BSN: variants seen among roughly 807,000 people sequenced by gnomAD.
The protein encoded by BSN is protein bassoon.
Under a neutral mutation model 264.8 loss-of-function variants are expected in BSN, and 57 were observed. The observed-to-expected ratio is 0.22, with a 90% CI of 0.17 to 0.27. BSN has a LOEUF of 0.27. Among genes scored for constraint, BSN ranks in the 10% least tolerant of loss-of-function variants. BSN has a pLI of 1.00. For synonymous variants in BSN, 2,059 were observed against 2,137.3 expected (o/e 0.96, Z 1.01); for missense variants, 4,615 against 5,232.5 (o/e 0.88, Z 3.64).
chr3:49,571,989 A>G (rs1404343787), intron 1 of BSN, among the ~76,000 whole-genome samples: 1 of 152,180 alleles, frequency 6.6e-6, no homozygotes, highest in African/African-American at 2.4e-5. Flanking sequence ...CATTCATTCA[A>G]CAAGCATTTA....
At position 49,656,538 on chromosome 3, in the gene BSN, C is replaced by A; in HGVS notation, c.6982C>A (p.Pro2328Thr). The A allele has an allele frequency of 6.4e-7, 1 of 1,569,100 alleles. No individual in the cohort carries two copies. Among genetic ancestry groups the A allele is most frequent in the East Asian group, 2.3e-5 (1 of 44,244 alleles). Residue 2328 changes from proline to threonine, a missense_variant, in exon 5 of 12, where the codon CCT becomes ACT. Physicochemically the swap from Pro to Thr is conservative, Grantham distance 38. Around this residue, in one of 3 missense-constraint regions of BSN, gnomAD observed 3,415 missense variants for 3,866.4 expected, o/e 0.88. Transcript: ENST00000296452. ...CAAGGAGGCTGCAGGAGCCCCAGCTCCTGCCCCACTAGCTGGCCAGAAGCC... is the reference window on the plus strand; with the variant it reads ...CAAGGAGGCTGCAGGAGCCCCAGCTACTGCCCCACTAGCTGGCCAGAAGCC... ...AIKEAAGAPAPAPLAGQKPPA... is the reference protein window; with the variant it reads ...AIKEAAGAPATAPLAGQKPPA...
chr3:49,650,486 T>C, intron 3 of BSN, 126 bp from the exon 4 acceptor site: 1 of 893,000 alleles, frequency 1.1e-6, no homozygotes, highest in Non-Finnish European at 1.7e-6. Context: ...TTTCTCCTTA[T>C]GTCTTTGGTG....
intron 1 of BSN, among the ~76,000 whole-genome samples, chr3:49,618,052 T>G (rs1233353888): frequency 6.6e-6 from 1 of 152,152 alleles, no homozygotes; most frequent in Non-Finnish European, 1.5e-5. Flanking sequence ...CTTCTCTGGT[T>G]CTGACATCTC....
rs1286340885 is a variant in BSN at position 49,669,367 on chromosome 3, G to A, written c.*1882G>A. On this transcript the variant is annotated 3_prime_UTR_variant, in exon 12 of 12. Transcript: ENST00000296452. ...GTAGGAGCCTGCACAGGATGTGTGT[G>A]TATGGACATTCTGAAGGTTTGCTGT... 6.5e-6 allele frequency: 1 copy of A among 152,730 alleles called. No homozygotes were observed. Among genetic ancestry groups the A allele is most frequent in the Non-Finnish European group, 1.5e-5 (1 of 68,092 alleles). 9.5% of individuals were successfully genotyped at this position (152,730 alleles called of 1,614,324 possible).
chr3:49,603,978 T>G (rs1202399238), intron 1 of BSN, among the ~76,000 whole-genome samples: 2 of 152,224 alleles, frequency 1.3e-5, no homozygotes, highest in Non-Finnish European at 2.9e-5. Flanking sequence ...TGGCCTAATG[T>G]TTTTAAGGTT....
At position 49,662,217 on chromosome 3, in the gene BSN, G is replaced by A. The variant is rs1377170357; in HGVS notation, c.10372G>A (p.Asp3458Asn). ...AYSGEKLSSH[D>N]FSGWGKGYER... The stretch of plus-strand genomic sequence containing the variant: ...CAGTGGGGAGAAGCTGTCCAGCCAC[G>A]ACTTCAGTGGCTGGGGCAAGGGGTA... The change falls in exon 6 of 12, where the codon GAC becomes AAC. Residue 3458 changes from aspartate to asparagine, a missense_variant. By Grantham distance (23) the Asp-to-Asn change is conservative (BLOSUM62 1). Transcript: ENST00000296452. The A allele has an allele frequency of 1.4e-5, 23 of 1,613,468 alleles. No homozygotes were observed. Among genetic ancestry groups the A allele is most frequent in the Middle Eastern group, 1.6e-4 (1 of 6,082 alleles).
intron 2 of BSN, among the ~76,000 whole-genome samples, chr3:49,627,465 T>C (rs1203432540): frequency 6.6e-6 from 1 of 152,220 alleles, no homozygotes; most frequent in African/African-American, 2.4e-5. Flanking sequence ...AAAGCATAAT[T>C]CGTGAACCAG....
rs2052338256 is a variant in BSN, at chr3:49,625,805, C to G, written c.633+422C>G. Among the ~76,000 whole-genome samples the G allele has an allele frequency of 6.6e-6, 1 of 152,210 alleles. No homozygotes were observed. The highest frequency in any genetic ancestry group is 6.5e-5 in the Admixed American group (1 of 15,280). ...GCCAGGAGGCCTCTGTCTTTGACAG[C>G]AGGCCCTAGATGGGGATGCTGGTGA... On this transcript the variant is annotated intron_variant, in intron 2 of 11. Coordinates refer to ENST00000296452, the MANE Select transcript of BSN (RefSeq NM_003458.4). This position sits in a 1 kb window ranked among gnomAD's most constrained non-coding sequence, Gnocchi z 4.4.
intron 1 of BSN, among the ~76,000 whole-genome samples, chr3:49,581,288 C>A (rs957137218): frequency 5.3e-5 from 8 of 152,124 alleles, no homozygotes; most frequent in Non-Finnish European, 8.8e-5. Context: ...CCTGGCCTAT[C>A]CATTTATTGA....
chr3:49,654,204 T>C lies in BSN; in HGVS notation c.4648T>C (p.Ser1550Pro). ...CACGCCTCGCCTGGTGTGGCAGGAG[T>C]CCTCTCAAGAGGCTCCCTTTATGGT... ...PSTPRLVWQE[S>P]SQEAPFMVIT... Residue 1550 changes from serine to proline, a missense_variant, in exon 5 of 12, where the codon TCC becomes CCC. Ser to Pro is a moderately conservative substitution (Grantham distance 74). Around this residue, in one of 3 missense-constraint regions of BSN, gnomAD observed 3,415 missense variants for 3,866.4 expected, o/e 0.88. Transcript: ENST00000296452. This position sits in a 1 kb window ranked among gnomAD's most constrained non-coding sequence, Gnocchi z 4.1. 1 of 1,613,280 alleles carries C rather than the reference T, an allele frequency of 6.2e-7. No homozygotes were observed. The highest frequency in any genetic ancestry group is 8.5e-7 in the Non-Finnish European group (1 of 1,179,868).
intron 3 of BSN, among the ~76,000 whole-genome samples, chr3:49,648,666 CTG>C (rs1414283582): frequency 6.6e-6 from 1 of 152,196 alleles, no homozygotes; most frequent in African/African-American, 2.4e-5. Flanking sequence ...CCAGGCACCT[CTG>C]GGGGTGCACC....
Position 49,653,178 on chromosome 3 carries a change from G to C in BSN, c.3622G>C (p.Ala1208Pro). ...LQRQQGQAAG[A>P]RGPHGGPSQP... ...GAGGCAGCAAGGCCAGGCAGCAGGG[G>C]CCCGGGGACCCCATGGCGGCCCCTC... The change falls in exon 5 of 12, where the codon GCC becomes CCC. Residue 1208 changes from alanine (A) to proline (P), a missense_variant. Transcript: ENST00000296452. This position sits in a 1 kb window ranked among gnomAD's most constrained non-coding sequence, Gnocchi z 6.3. 3.1e-6 allele frequency: 5 copies of C among 1,611,510 alleles called. No homozygotes were observed. The highest frequency in any genetic ancestry group is 4.2e-6 in the Non-Finnish European group (5 of 1,179,492).
intron 10 of BSN, 37 bp downstream of exon 10, chr3:49,664,890 A>G: frequency 6.6e-7 from 1 of 1,513,922 alleles, no homozygotes; most frequent in Non-Finnish European, 9.1e-7. Flanking sequence ...CTCTTCTGGG[A>G]AAGGCCCGAG....
intron 1 of BSN, among the ~76,000 whole-genome samples, chr3:49,586,029 T>C (rs1023502231): frequency 6.6e-6 from 1 of 152,184 alleles, no homozygotes; most frequent in Non-Finnish European, 1.5e-5. Flanking sequence ...AGTTTGTACA[T>C]ATTTTATTCC....
chr3:49,594,667 C>T (rs1430441455), intron 1 of BSN, among the ~76,000 whole-genome samples: 1 of 151,978 alleles, frequency 6.6e-6, no homozygotes, highest in Non-Finnish European at 1.5e-5. Flanking sequence ...AGGGTCCATG[C>T]CTTTCTACAT....
chr3:49,616,446 C>T, intron 1 of BSN, among the ~76,000 whole-genome samples: 1 of 152,216 alleles, frequency 6.6e-6, no homozygotes, highest in Non-Finnish European at 1.5e-5. Context: ...TCATCAAAAC[C>T]TCTTTTGAAG....
intron 1 of BSN, among the ~76,000 whole-genome samples, chr3:49,580,299 G>A (rs2051885948): frequency 6.6e-6 from 1 of 152,126 alleles, no homozygotes; most frequent in African/African-American, 2.4e-5. Flanking sequence ...GAGTTGAGAA[G>A]TGTTTTATCC....
intron 1 of BSN, among the ~76,000 whole-genome samples, chr3:49,586,608 TGG>T (rs2051940014): frequency 6.6e-6 from 1 of 152,242 alleles, no homozygotes; most frequent in Non-Finnish European, 1.5e-5. Context: ...CCCAGAGTGC[TGG>T]GATTACTGGT....
At chr3:49,598,825 A>G (rs2052048011) in intron 1 of BSN, among the ~76,000 whole-genome samples, 1 of 152,250 alleles carries the variant, frequency 6.6e-6, no homozygotes, top group East Asian at 1.9e-4. Context: ...AGTCACTGCA[A>G]TAAGGCAAAT....
Sources: gnomAD v4.1 joint callset for allele counts (sites outside exome capture counted in the v4.1 genomes callset) on GRCh38, gnomAD v4.1.1 for gene constraint, gnomAD v4.1.1 regional missense constraint, Gnocchi (gnomAD v3.1) non-coding constraint, MANE v1.5 for transcripts, NCBI Gene and HGNC (gene_info 2026-07-23, HGNC 2026-07-21) for gene names.